Variants in ROBO2 observed in about 807,000 individuals in gnomAD.
ROBO2 encodes roundabout homolog 2.
In ROBO2, 53 loss-of-function variants were observed where a neutral mutation model predicts 160.8. The observed-to-expected ratio is 0.33, with a 90% CI of 0.26 to 0.41. ROBO2 has a LOEUF of 0.41. ROBO2 is among the 10% of genes least tolerant of loss of function. The pLI is 1.00. For missense variants in ROBO2, 1,577 were observed against 1,722.4 expected, an observed-to-expected ratio of 0.92 and a Z score of 1.49; for synonymous variants, 664 against 611.7, an observed-to-expected ratio of 1.09 and a Z score of -1.26.
chr3:76,222,423 G>A (rs1704025697), intron 2 of ROBO2, among the ~76,000 whole-genome samples: 1 of 152,162 alleles, frequency 6.6e-6, no homozygotes, highest in African/African-American at 2.4e-5. Flanking sequence ...TTGACCTTGT[G>A]ACTAGGCTTA....
At chr3:76,798,408 T>C (rs969706632) in intron 2 of ROBO2, among the ~76,000 whole-genome samples, 2 of 152,014 alleles carry the variant, frequency 1.3e-5, no homozygotes, top group African/African-American at 4.8e-5. Flanking sequence ...AACAACACCC[T>C]AAAAAGATCA....
intron 2 of ROBO2, among the ~76,000 whole-genome samples, chr3:76,054,583 G>C (rs928395596): frequency 1.3e-5 from 2 of 152,100 alleles, no homozygotes; most frequent in Non-Finnish European, 2.9e-5. Flanking sequence ...TTATAAGTAG[G>C]AGCTAAACAG....
chr3:76,215,620 A>C (rs1703464573), intron 2 of ROBO2, among the ~76,000 whole-genome samples: 1 of 152,166 alleles, frequency 6.6e-6, no homozygotes, highest in South Asian at 2.1e-4. Context: ...AAAAAGATTA[A>C]AAAGAAATGA....
At chr3:76,570,995 T>C (rs939382854) in intron 2 of ROBO2, among the ~76,000 whole-genome samples, 2 of 152,142 alleles carry the variant, frequency 1.3e-5, no homozygotes, top group Non-Finnish European at 2.9e-5. Context: ...ACTTATGTAA[T>C]GAAGATTAAA....
chr3:75,913,864 C>G (rs1946702177), intron 1 of ROBO2, among the ~76,000 whole-genome samples: 1 of 152,108 alleles, frequency 6.6e-6, no homozygotes, highest in South Asian at 2.1e-4. Flanking sequence ...ATAATTGATG[C>G]AGTTCACAAA....
chr3:77,075,552 A>T (rs1162041131), intron 1 of ROBO2, among the ~76,000 whole-genome samples: 1 of 152,076 alleles, frequency 6.6e-6, no homozygotes, highest in Non-Finnish European at 1.5e-5. Flanking sequence ...ACTCCAGATG[A>T]GAATAACTAA....
intron 2 of ROBO2, among the ~76,000 whole-genome samples, chr3:76,015,494 T>C (rs1232834943): frequency 1.3e-5 from 2 of 152,240 alleles, no homozygotes; most frequent in African/African-American, 4.8e-5. Flanking sequence ...AAACTAAAAA[T>C]TTTGTATAAC....
At chr3:77,340,471 G>A (rs2066944917) in intron 2 of ROBO2, among the ~76,000 whole-genome samples, 2 of 151,966 alleles carry the variant, frequency 1.3e-5, no homozygotes, top group African/African-American at 4.8e-5. Context: ...AGGAGTCCGT[G>A]GTTGTATTTT....
chr3:77,304,710 G>A (rs2153416142), intron 2 of ROBO2, among the ~76,000 whole-genome samples: 1 of 152,174 alleles, frequency 6.6e-6, no homozygotes, highest in African/African-American at 2.4e-5. Context: ...GTGTTTTATG[G>A]ACCTTAAATT....
intron 2 of ROBO2, among the ~76,000 whole-genome samples, chr3:76,623,686 C>G (rs61172342): frequency 2.6e-5 from 4 of 152,166 alleles, no homozygotes; most frequent in Non-Finnish European, 5.9e-5. Flanking sequence ...ATTCTGAAAT[C>G]TTTAACAACA....
intron 2 of ROBO2, among the ~76,000 whole-genome samples, chr3:76,877,640 T>A (rs1231361975): frequency 6.6e-6 from 1 of 152,182 alleles, no homozygotes; most frequent in Non-Finnish European, 1.5e-5. Flanking sequence ...TCTATACATA[T>A]AACCTGCTGT....
At chr3:77,206,422 C>T (rs527883546) in intron 2 of ROBO2, among the ~76,000 whole-genome samples, 3 of 152,154 alleles carry the variant, frequency 2.0e-5, no homozygotes, top group South Asian at 2.1e-4. Flanking sequence ...CCTGCTGTGG[C>T]CTCCTATAGT....
chr3:76,082,505 A>G (rs76636172), intron 2 of ROBO2, among the ~76,000 whole-genome samples: 11,110 of 152,098 alleles, frequency 0.073, 1,045 homozygotes, highest in African/African-American at 0.22. Context: ...TCTTATCTGT[A>G]TACAAAATAA....
At chr3:76,032,095 G>A (rs574819093) in intron 2 of ROBO2, among the ~76,000 whole-genome samples, 2 of 152,142 alleles carry the variant, frequency 1.3e-5, no homozygotes, top group Non-Finnish European at 2.9e-5. Flanking sequence ...GAGGGTGTAT[G>A]TGTCCAGGAA....
intron 2 of ROBO2, among the ~76,000 whole-genome samples, chr3:76,114,616 T>A (rs551055170): frequency 6.6e-6 from 1 of 152,114 alleles, no homozygotes; most frequent in African/African-American, 2.4e-5. Context: ...GGTTATGTAA[T>A]GTTCCCAATA....
intron 2 of ROBO2, among the ~76,000 whole-genome samples, chr3:77,260,265 C>A (rs763340638): frequency 3.3e-5 from 5 of 152,016 alleles, no homozygotes; most frequent in Admixed American, 6.6e-5. Flanking sequence ...TATTATTTTG[C>A]TTATATTTCA....
chr3:77,607,895 A>C lies in ROBO2; in HGVS notation c.3234A>C (p.Pro1078=), dbSNP rs770792851. 10 of 1,613,526 alleles carry C rather than the reference A, an allele frequency of 6.2e-6. No individual in the cohort carries two copies. The Admixed American group carries it at 6.7e-5, about 11-fold the overall frequency. ...CCAATGTCCCTCTACCTCCCCCCCC[A>C]GTCCAGCCCCTTCCTGGCACGGAGC... The change falls in exon 21 of 26, where the codon CCA becomes CCC. Residue 1078 remains proline (P), a synonymous_variant. Transcript: ENST00000461745.
At chr3:76,805,666 G>T (rs1169097737) in intron 2 of ROBO2, among the ~76,000 whole-genome samples, 3 of 80,602 alleles carry the variant, frequency 3.7e-5, no homozygotes, top group Non-Finnish European at 7.4e-5. Flanking sequence ...AATTCTATTG[G>T]AATACGTGTG....
chr3:76,214,799 G>T (rs144341013), intron 2 of ROBO2, among the ~76,000 whole-genome samples: 2 of 152,336 alleles, frequency 1.3e-5, no homozygotes, highest in Non-Finnish European at 2.9e-5. Context: ...CTGTCTGACA[G>T]CTTTGAAGAG....
Sources: gnomAD v4.1 joint callset for allele counts (sites outside exome capture counted in the v4.1 genomes callset) on GRCh38, gnomAD v4.1.1 for gene constraint, MANE v1.5 for transcripts, NCBI Gene and HGNC (gene_info 2026-07-23, HGNC 2026-07-21) for gene names.